The following LETM2 variants were observed in gnomAD, a reference collection of about 807,000 sequenced individuals.
The protein encoded by LETM2 is leucine zipper and EF-hand containing transmembrane protein 2, also known as LETM1 domain-containing protein LETM2, mitochondrial.
In LETM2, 58 loss-of-function variants were observed where a neutral mutation model predicts 59.6. The observed-to-expected ratio is 0.97, with a 90% CI of 0.79 to 1.21. The LOEUF (loss-of-function observed/expected upper bound fraction) is 1.21. Ranked by LOEUF, LETM2 falls within the 50% of genes most tolerant of loss-of-function variation. The pLI, the probability that LETM2 is intolerant of heterozygous loss-of-function variation, is 0.00. For missense variants in LETM2, 572 were observed against 575.7 expected (o/e 0.99, Z 0.07); for synonymous variants, 199 against 214.1 (o/e 0.93, Z 0.62).
Position 38,408,511 on chromosome 8 carries a change from CCA to C in LETM2, c.*239_*240del, listed in dbSNP as rs895883344. 10 of 430,042 alleles carry C rather than the reference CCA, an allele frequency of 2.3e-5. No homozygotes were observed. Among genetic ancestry groups the C allele is most frequent in the African/African-American group, 2.0e-4 (10 of 49,538 alleles). The allele number at this position is 430,042 out of a possible 1,614,324, so 26.6% of individuals were successfully genotyped here. The stretch of plus-strand genomic sequence containing the variant: ...CCATTTCCTCTGTACCATTGTCACC[CCA>C]CTCAACTTTGTATAAAGCCCACCCC... On this transcript the variant is annotated 3_prime_UTR_variant, in exon 11 of 11. Transcript: ENST00000379957.
At chr8:38,388,764 G>GT (rs1811978115) in intron 2 of LETM2, among the ~76,000 whole-genome samples, 1 of 149,804 alleles carries the variant, frequency 6.7e-6, no homozygotes, top group Non-Finnish European at 1.5e-5. Context: ...TTGTTTGTTT[G>GT]TTTTTGTTTT....
chr8:38,400,552 T>TA, intron 5 of LETM2, 143 bp downstream of exon 5: 1 of 805,902 alleles, frequency 1.2e-6, no homozygotes, highest in Non-Finnish European at 1.9e-6. Context: ...TGTAAACATT[T>TA]AATATTATAA....
At chr8:38,401,382 C>T (rs1458789886) in intron 6 of LETM2, among the ~76,000 whole-genome samples, 1 of 152,118 alleles carries the variant, frequency 6.6e-6, no homozygotes, top group East Asian at 1.9e-4. Flanking sequence ...AGTGATCCAC[C>T]CGCCTCAGCC....
At chr8:38,408,019 A>T (rs1813871403) in intron 10 of LETM2, 193 bp from the exon 11 acceptor site, 1 of 537,112 alleles carries the variant, frequency 1.9e-6, no homozygotes, top group East Asian at 3.3e-5. Flanking sequence ...GGGTAAGCCC[A>T]GAAAAGCATC....
chr8:38,404,363 C>A, intron 7 of LETM2, 30 bp from the exon 8 acceptor site: 2 of 1,445,706 alleles, frequency 1.4e-6, no homozygotes, highest in Non-Finnish European at 1.9e-6. Context: ...TGTTCTGATT[C>A]TCACGTGTTG....
upstream of LETM2, chr8:38,386,347 T>G (rs6996860): frequency 0.22 from 33,960 of 152,138 alleles, 4,033 homozygotes; most frequent in East Asian, 0.31. Context: ...TTCGGCGATG[T>G]AAACGCGACT....
At chr8:38,403,940 C>A (rs750703041) in intron 7 of LETM2, among the ~76,000 whole-genome samples, 1 of 152,160 alleles carries the variant, frequency 6.6e-6, no homozygotes, top group Non-Finnish European at 1.5e-5. Flanking sequence ...GCCACTGCAG[C>A]CTCAAACTCC....
At chr8:38,394,866 A>T (rs1250970042) in intron 4 of LETM2, among the ~76,000 whole-genome samples, 1 of 151,110 alleles carries the variant, frequency 6.6e-6, no homozygotes, top group African/African-American at 2.4e-5. Flanking sequence ...AAAAAAAAAA[A>T]ATTCCCTGTG....
Position 38,408,376 on chromosome 8 carries a change from G to C in LETM2, c.*102G>C. The C allele has an allele frequency of 9.6e-7, 1 of 1,046,840 alleles. No individual in the cohort carries two copies. The highest frequency in any genetic ancestry group is 2.6e-5 in the East Asian group (1 of 38,462). 64.8% of individuals were successfully genotyped at this position (1,046,840 alleles called of 1,614,324 possible). A position where few individuals can be genotyped will look rare whatever the true frequency, so the allele number is the denominator to read the frequency against. On this transcript the variant is annotated 3_prime_UTR_variant, in exon 11 of 11. Transcript: ENST00000379957. ...TAAGACTGTCTGGCTTCAGAGAGCGGATCAGCTGTTTAGCCCGTGGGGCAG... is the reference window on the plus strand; with the variant it reads ...TAAGACTGTCTGGCTTCAGAGAGCGCATCAGCTGTTTAGCCCGTGGGGCAG...
chr8:38,392,968 G>A lies in LETM2; in HGVS notation c.474G>A (p.Gln158=). The change falls in exon 3 of 11, where the codon CAG becomes CAA. Residue 158 remains glutamine, a synonymous_variant. Coordinates refer to ENST00000379957, the MANE Select transcript of LETM2 (RefSeq NM_001286819.2). Reference sequence around the variant, plus strand: ...TGGTTTGGAGGCTGTTGCATGGACAGGTCCTGACCAGACGAGAGAGACGAA... The same window carrying A: ...TGGTTTGGAGGCTGTTGCATGGACAAGTCCTGACCAGACGAGAGAGACGAA... ...ARMVWRLLHG[Q]VLTRRERRRL... The A allele has an allele frequency of 6.2e-7, 1 of 1,608,148 alleles. No individual in the cohort carries two copies. Among genetic ancestry groups the A allele is most frequent in the East Asian group, 2.2e-5 (1 of 44,862 alleles).
chr8:38,400,397 C>G lies in LETM2; in HGVS notation c.771C>G (p.Ser257=). Residue 257 remains serine (S), a synonymous_variant, in exon 5 of 11, where the codon TCC becomes TCG. Coordinates refer to ENST00000379957, the MANE Select transcript of LETM2 (RefSeq NM_001286819.2). The part of the protein sequence containing the change: ...KMGDASTQLS[S]YVKQVQTGHK... ...GCGATGCCTCTACACAGCTCTCATC[C>G]TACGTGAAGCAGGTGTCCATCTTTT... 1 of 1,580,938 alleles carries G rather than the reference C, an allele frequency of 6.3e-7. No individual in the cohort carries two copies. The highest frequency in any genetic ancestry group is 8.6e-7 in the Non-Finnish European group (1 of 1,166,110).
chr8:38,400,792 T>C (rs1047490246), intron 5 of LETM2, 61 bp from the exon 6 acceptor site: 9 of 1,426,792 alleles, frequency 6.3e-6, no homozygotes, highest in African/African-American at 5.7e-5. Context: ...AAATAGCCTA[T>C]TGGGAAAGTT....
chr8:38,396,955 C>T (rs1041711181), intron 4 of LETM2: 8 of 350,826 alleles, frequency 2.3e-5, no homozygotes, highest in East Asian at 8.3e-5. Flanking sequence ...CCACTGTTAC[C>T]GCGGTGACTA....
intron 4 of LETM2, chr8:38,397,277 A>C: frequency 2.5e-6 from 1 of 392,586 alleles, no homozygotes; most frequent in Non-Finnish European, 5.0e-6. Flanking sequence ...CCCGGATGCA[A>C]GCAATTCTCC....
At chr8:38,393,941 G>A (rs1585984570) in intron 3 of LETM2, 157 bp from the exon 4 acceptor site, 2 of 523,746 alleles carry the variant, frequency 3.8e-6, no homozygotes, top group South Asian at 4.3e-5. Flanking sequence ...GATTGCGTGA[G>A]CCCAGGAGTT....
intron 4 of LETM2, chr8:38,396,972 C>G (rs2150428108): frequency 1.1e-5 from 4 of 380,410 alleles, no homozygotes; most frequent in South Asian, 7.5e-5. Flanking sequence ...ACTAGTGGAA[C>G]AGTAGGTATG....
chr8:38,388,173 C>T (rs975134616), intron 2 of LETM2, 143 bp downstream of exon 2: 23 of 618,162 alleles, frequency 3.7e-5, no homozygotes, highest in East Asian at 5.7e-5. Flanking sequence ...CTCTGCCTCC[C>T]GGGTTCAAGC....
intron 2 of LETM2, among the ~76,000 whole-genome samples, chr8:38,389,116 G>C (rs376388242): frequency 6.6e-6 from 1 of 152,214 alleles, no homozygotes. Context: ...TGAACATCAC[G>C]TGAGGTCCTT....
In LETM2 at chr8:38,392,894, T is replaced by A. The variant is rs1200578196; in HGVS notation, c.400T>A (p.Tyr134Asn). Reference sequence around the variant, plus strand: ...AATCATGGATGAACTAAAATATTATTACAATGGATTCTACTTACTTTGGAT... The same window carrying A: ...AATCATGGATGAACTAAAATATTATAACAATGGATTCTACTTACTTTGGAT... ...QKIMDELKYY[Y>N]NGFYLLWIDA... The change falls in exon 3 of 11, where the codon TAC (tyrosine) becomes AAC (asparagine). Residue 134 changes from tyrosine (Y) to asparagine (N), a missense_variant. Physicochemically the swap from Tyr to Asn is moderately radical, Grantham distance 143. Transcript: ENST00000379957. 2.5e-6 allele frequency: 4 copies of A among 1,613,886 alleles called. No individual in the cohort carries two copies. The African/African-American group carries it at 5.3e-5, about 22-fold the overall frequency.
Sources: allele counts gnomAD v4.1 joint callset (sites outside exome capture counted in the v4.1 genomes callset), GRCh38; gene constraint gnomAD v4.1.1; transcripts MANE v1.5; gene names NCBI Gene and HGNC (gene_info 2026-07-23, HGNC 2026-07-21).